Variants in MAST4 observed in about 807,000 individuals in gnomAD.
MAST4 encodes microtubule associated serine/threonine kinase family member 4, also known as microtubule-associated serine/threonine-protein kinase 4.
Under a neutral mutation model 162.7 loss-of-function variants are expected in MAST4, and 89 were observed. The ratio of observed to expected loss-of-function variants is 0.55; its 90% CI spans 0.46 to 0.65. The LOEUF is 0.65. MAST4 is among the 30% of genes least tolerant of loss of function. The pLI, the probability that MAST4 is intolerant of heterozygous loss-of-function variation, is 0.00. For synonymous variants in MAST4, 1,479 were observed against 1,361.1 expected (o/e 1.09, Z -1.91); for missense variants, 3,153 against 3,374.0 (o/e 0.93, Z 1.62).
At chr5:66,618,124 C>G (rs574729992) in intron 1 of MAST4, among the ~76,000 whole-genome samples, 3 of 152,158 alleles carry the variant, frequency 2.0e-5, no homozygotes, top group Non-Finnish European at 4.4e-5. Flanking sequence ...ACCGGCCTCC[C>G]GCCCGTTGGC....
At chr5:67,136,117 G>T (rs1769611562) in intron 18 of MAST4, among the ~76,000 whole-genome samples, 1 of 152,018 alleles carries the variant, frequency 6.6e-6, no homozygotes, top group Non-Finnish European at 1.5e-5. Context: ...TATGGCTGTG[G>T]CCAAATTCTC....
intron 4 of MAST4, among the ~76,000 whole-genome samples, chr5:67,000,968 C>T (rs1017373562): frequency 1.3e-5 from 2 of 152,144 alleles, no homozygotes; most frequent in African/African-American, 4.8e-5. Flanking sequence ...CTAACAATGT[C>T]ATCCTGATTA....
At chr5:66,745,888 T>C (rs1752727592) in intron 1 of MAST4, among the ~76,000 whole-genome samples, 1 of 152,196 alleles carries the variant, frequency 6.6e-6, no homozygotes, top group South Asian at 2.1e-4. Flanking sequence ...TCTGGGTTGA[T>C]AGAGTATGTG....
In MAST4 at chr5:66,870,733, C is replaced by T. The variant is rs141089384; in HGVS notation, c.643-29218C>T. 6.3e-4 allele frequency: 294 copies of T among 470,100 alleles called. 2 individuals are homozygous for T. The highest frequency in any genetic ancestry group is 5.2e-3 in the African/African-American group (263 of 50,170). 29.1% of individuals were successfully genotyped at this position (470,100 alleles called of 1,614,324 possible). ...TCCATCATCCCACACCCCACCTTCT[C>T]CCTTCCCACCTCTCGTTCACTCCCC... On this transcript the variant is annotated intron_variant, in intron 3 of 28. Transcript: ENST00000403625.
chr5:66,811,918 T>C, intron 3 of MAST4, among the ~76,000 whole-genome samples: 1 of 152,180 alleles, frequency 6.6e-6, no homozygotes, highest in Admixed American at 6.5e-5. Flanking sequence ...ATACTGGAAT[T>C]GTGTACCTAG....
At chr5:67,156,045 T>C (rs563236765) in intron 26 of MAST4, among the ~76,000 whole-genome samples, 8 of 134,348 alleles carry the variant, frequency 6.0e-5, no homozygotes, top group Non-Finnish European at 1.2e-4. Context: ...GGCGACAGAG[T>C]GAGATTCCGT....
chr5:67,052,406 A>G (rs1758294476), intron 4 of MAST4, among the ~76,000 whole-genome samples: 1 of 151,848 alleles, frequency 6.6e-6, no homozygotes, highest in Admixed American at 6.6e-5. Flanking sequence ...CCCCTTTTTG[A>G]TAGATTTTAA....
chr5:67,057,492 A>T (rs1758981119), intron 5 of MAST4, among the ~76,000 whole-genome samples: 1 of 151,730 alleles, frequency 6.6e-6, no homozygotes, highest in Admixed American at 6.6e-5. Flanking sequence ...GGGGAGAAAG[A>T]GATATTGGCA....
intron 1 of MAST4, among the ~76,000 whole-genome samples, chr5:66,613,174 C>T (rs1339317252): frequency 6.6e-6 from 1 of 152,168 alleles, no homozygotes; most frequent in Non-Finnish European, 1.5e-5. Context: ...CCTTGGCCTT[C>T]CAAAGTGCTA....
intron 3 of MAST4, among the ~76,000 whole-genome samples, chr5:66,847,232 G>A (rs1319856855): frequency 6.6e-6 from 1 of 152,178 alleles, no homozygotes; most frequent in African/African-American, 2.4e-5. Flanking sequence ...GGACCACAAG[G>A]ATGGCATGTG....
intron 1 of MAST4, among the ~76,000 whole-genome samples, chr5:66,713,881 T>A (rs1750651681): frequency 1.3e-5 from 2 of 152,160 alleles, no homozygotes; most frequent in South Asian, 4.1e-4. Context: ...ATGGTCTAGT[T>A]CTGTCTCAGT....
intron 1 of MAST4, among the ~76,000 whole-genome samples, chr5:66,748,457 C>CTCTCTCCCTCACTCCT (rs1752922585): frequency 7.0e-6 from 1 of 141,900 alleles, no homozygotes; most frequent in Non-Finnish European, 1.5e-5. Context: ...CCCTCACTCC[C>CTCTCTCCCTCACTCCT]TCCTTCCTTC....
intron 6 of MAST4, 26 bp downstream of exon 6, chr5:67,090,257 A>T (rs937033816): frequency 6.4e-7 from 1 of 1,564,078 alleles, no homozygotes; most frequent in South Asian, 1.1e-5. Context: ...GAGTGGAGGC[A>T]TAAGGTCTTA....
chr5:66,704,492 C>CTTTTGTTTTTTTTTTT (rs1749986713), intron 1 of MAST4, among the ~76,000 whole-genome samples: 1 of 97,354 alleles, frequency 1.0e-5, no homozygotes, highest in Non-Finnish European at 1.9e-5. Flanking sequence ...GCTTGTTGTT[C>CTTTTGTTTTTTTTTTT]TTTTTTTTTT....
intron 15 of MAST4, 27 bp downstream of exon 15, chr5:67,130,445 T>A (rs538833510): frequency 1.2e-6 from 2 of 1,606,584 alleles, no homozygotes; most frequent in Non-Finnish European, 1.7e-6. Context: ...ACATGACACC[T>A]GTACCCAGGA....
At chr5:66,710,222 G>T (rs906471780) in intron 1 of MAST4, among the ~76,000 whole-genome samples, 4 of 152,198 alleles carry the variant, frequency 2.6e-5, no homozygotes, top group Non-Finnish European at 4.4e-5. Flanking sequence ...GATCTGATTT[G>T]CCAGAGGAAG....
intron 1 of MAST4, among the ~76,000 whole-genome samples, chr5:66,703,660 A>G (rs1047089463): frequency 6.6e-6 from 1 of 152,208 alleles, no homozygotes; most frequent in African/African-American, 2.4e-5. Flanking sequence ...TTTAGTAAAC[A>G]TACAGAGTTG....
At chr5:66,725,684 T>C (rs756269942) in intron 1 of MAST4, among the ~76,000 whole-genome samples, 6 of 152,194 alleles carry the variant, frequency 3.9e-5, no homozygotes, top group Non-Finnish European at 5.9e-5. Flanking sequence ...TCTAGCCTTA[T>C]ATTTCTTTCC....
intron 4 of MAST4, among the ~76,000 whole-genome samples, chr5:67,003,568 G>A (rs1751534577): frequency 6.6e-6 from 1 of 152,050 alleles, no homozygotes; most frequent in African/African-American, 2.4e-5. Context: ...ATTTTTTGCT[G>A]AATATATACT....
Sources: allele counts gnomAD v4.1 joint callset (sites outside exome capture counted in the v4.1 genomes callset), GRCh38; gene constraint gnomAD v4.1.1; transcripts MANE v1.5; gene names NCBI Gene and HGNC (gene_info 2026-07-23, HGNC 2026-07-21).